PHF12: variants seen among roughly 807,000 people sequenced by gnomAD.
PHF12 encodes the protein PHD finger protein 12, also known as PHD factor 1.
A neutral mutation model predicts 99.8 loss-of-function variants in PHF12; 6 were observed. That is an observed-to-expected ratio of 0.06 (90% confidence interval 0.03 to 0.12). The LOEUF is 0.12. Among genes scored for constraint, PHF12 ranks in the 10% least tolerant of loss-of-function variants. The pLI is 1.00. For synonymous variants in PHF12, 480 were observed against 514.9 expected (o/e 0.93, Z 0.92); for missense variants, 954 against 1,300.1 (o/e 0.73, Z 4.09).
Position 28,913,098 on chromosome 17 carries a change from G to C in PHF12, c.1473C>G (p.His491Gln), listed in dbSNP as rs200985028. 403 of 1,614,218 alleles carry C rather than the reference G, an allele frequency of 2.5e-4. 2 individuals carry two copies. In the Admixed American group the frequency reaches 6.5e-3, roughly 26 times the overall value. Residue 491 changes from histidine to glutamine, a missense_variant, in exon 9 of 15, where the codon CAC (histidine) becomes CAG (glutamine). His to Gln is a conservative substitution (Grantham distance 24). This residue lies in a region of PHF12 where 392 missense variants were observed against 423.1 expected (regional missense o/e 0.93). Coordinates refer to ENST00000332830, the MANE Select transcript of PHF12 (RefSeq NM_001033561.2). The part of the protein sequence containing the change: ...QTADKTPTPS[H>Q]YPLSCPSGIS... ...TCCCTGAGGGGCAGGACAAGGGGTA[G>C]TGGGAAGGTGTAGGTGTCTTGTCAG...
chr17:28,923,651 C>CAAAAAAAAAAAAAAAGAAA (rs1491183033), intron 4 of PHF12, among the ~76,000 whole-genome samples: 1 of 21,958 alleles, frequency 4.6e-5, no homozygotes, highest in Non-Finnish European at 7.6e-5. Flanking sequence ...AAGTGAGACT[C>CAAAAAAAAAAAAAAAGAAA]ACAAAAAAAA....
chr17:28,931,238 A>G (rs983484342), intron 2 of PHF12, among the ~76,000 whole-genome samples: 15 of 150,422 alleles, frequency 1.0e-4, no homozygotes, highest in African/African-American at 3.4e-4. Context: ...AACATTTAAA[A>G]GACTGAGGCC....
At chr17:28,936,191 G>A (rs2040505971) in intron 2 of PHF12, among the ~76,000 whole-genome samples, 1 of 152,158 alleles carries the variant, frequency 6.6e-6, no homozygotes, top group South Asian at 2.1e-4. Context: ...ATTAATACAT[G>A]TGAACCTGCA....
intron 7 of PHF12, among the ~76,000 whole-genome samples, chr17:28,914,671 C>CAAAA (rs61203588): frequency 0.08 from 2,419 of 30,290 alleles, 433 homozygotes; most frequent in Middle Eastern, 0.14. Context: ...GACTCCGTCT[C>CAAAA]AAAAAAAAAA....
intron 6 of PHF12, among the ~76,000 whole-genome samples, chr17:28,917,994 A>G (rs1211916226): frequency 6.6e-6 from 1 of 152,230 alleles, no homozygotes. Flanking sequence ...CCATCTTGAT[A>G]TCAGTCTTCC....
At position 28,949,298 on chromosome 17, in the gene PHF12, C is replaced by T. The variant is rs2040767824; in HGVS notation, c.248+767G>A. On this transcript the variant is annotated intron_variant, in intron 2 of 14. Transcript: ENST00000332830. This position sits in a 1 kb window ranked among gnomAD's most constrained non-coding sequence, Gnocchi z 4.6. ...CCCGATTTCCTAAGAGGCAGCGGCG[C>T]CGGGAGGGAGGAGGGAAGAGGGAGG... Among the ~76,000 whole-genome samples, 1 of 151,970 alleles carries T rather than the reference C, an allele frequency of 6.6e-6. No individual in the cohort carries two copies. Among genetic ancestry groups the T allele is most frequent in the African/African-American group, 2.4e-5 (1 of 41,364 alleles).
Position 28,950,358 on chromosome 17 carries a change from TC to T in PHF12, c.67-113del. The T allele has an allele frequency of 8.3e-7, 1 of 1,206,760 alleles. No individual in the cohort carries two copies. Among genetic ancestry groups the T allele is most frequent in the Non-Finnish European group, 1.1e-6 (1 of 884,454 alleles). 74.8% of individuals were successfully genotyped at this position (1,206,760 alleles called of 1,614,324 possible). On this transcript the variant is annotated intron_variant, in intron 1 of 14. Coordinates refer to ENST00000332830, the MANE Select transcript of PHF12 (RefSeq NM_001033561.2). This position sits in a 1 kb window ranked among gnomAD's most constrained non-coding sequence, Gnocchi z 5.7. Reference sequence around the variant, plus strand: ...CCCCTCTCCCCCCTTTTGTCCTTCTTCCTCCCATCCAGGCTGCTCCCAGAAT... The same window carrying T: ...CCCCTCTCCCCCCTTTTGTCCTTCTTCTCCCATCCAGGCTGCTCCCAGAAT...
chr17:28,949,639 T>C lies in PHF12; in HGVS notation c.248+426A>G. ...TTGCCGGGGTCTGGACCAGGGCAACTCAGGTGGCCGAGGGCTCCACGCACC... is the reference window on the plus strand; with the variant it reads ...TTGCCGGGGTCTGGACCAGGGCAACCCAGGTGGCCGAGGGCTCCACGCACC... On this transcript the variant is annotated intron_variant, in intron 2 of 14. Coordinates refer to ENST00000332830, the MANE Select transcript of PHF12 (RefSeq NM_001033561.2). The surrounding 1 kb of genome is among the most constrained non-coding windows in gnomAD (Gnocchi z 4.6). The C allele has an allele frequency of 6.1e-6, 1 of 163,038 alleles. No individual in the cohort carries two copies. Among genetic ancestry groups the C allele is most frequent in the Non-Finnish European group, 1.3e-5 (1 of 75,358 alleles). The allele number at this position is 163,038 out of a possible 1,614,324, so 10.1% of individuals were successfully genotyped here.
At chr17:28,948,944 T>G (rs1038014421) in intron 2 of PHF12, among the ~76,000 whole-genome samples, 1 of 152,134 alleles carries the variant, frequency 6.6e-6, no homozygotes, top group Non-Finnish European at 1.5e-5. Context: ...GGGATTTTTG[T>G]GGAGGGCAGA....
At position 28,949,286 on chromosome 17, in the gene PHF12, G is replaced by C. The variant is rs139353045; in HGVS notation, c.248+779C>G. 6.6e-6 allele frequency among the ~76,000 whole-genome samples: 1 copy of C among 152,160 alleles called. No homozygotes were observed. The highest frequency in any genetic ancestry group is 1.5e-5 in the Non-Finnish European group (1 of 68,030). On this transcript the variant is annotated intron_variant, in intron 2 of 14. Coordinates refer to ENST00000332830, the MANE Select transcript of PHF12 (RefSeq NM_001033561.2). The surrounding 1 kb of genome is among the most constrained non-coding windows in gnomAD (Gnocchi z 4.6). ...TGTCTAACCCGGCCCGATTTCCTAA[G>C]AGGCAGCGGCGCCGGGAGGGAGGAG...
At chr17:28,915,382 G>C (rs762816767) in intron 7 of PHF12, among the ~76,000 whole-genome samples, 21 of 151,438 alleles carry the variant, frequency 1.4e-4, no homozygotes, top group Admixed American at 5.9e-4. Flanking sequence ...AGGAGATACA[G>C]GAGGAAGAGC....
intron 2 of PHF12, among the ~76,000 whole-genome samples, chr17:28,941,678 A>C (rs184221371): frequency 1.3e-5 from 2 of 151,952 alleles, no homozygotes; most frequent in South Asian, 2.1e-4. Flanking sequence ...TGGCGTGATC[A>C]CTGCAACCTC....
chr17:28,949,484 G>A lies in PHF12; in HGVS notation c.248+581C>T, dbSNP rs1355344869. On this transcript the variant is annotated intron_variant, in intron 2 of 14. Transcript: ENST00000332830. The surrounding 1 kb of genome is among the most constrained non-coding windows in gnomAD (Gnocchi z 4.6). ...CGAGAGACGTTTGCAAATCATATAT[G>A]CAGCCAAAATGGCGCTGAGAATAAA... Among the ~76,000 whole-genome samples, 1 of 152,240 alleles carries A rather than the reference G, an allele frequency of 6.6e-6. No homozygotes were observed. Among genetic ancestry groups the A allele is most frequent in the African/African-American group, 2.4e-5 (1 of 41,462 alleles).
chr17:28,912,814 G>A lies in PHF12; in HGVS notation c.1757C>T (p.Thr586Met), dbSNP rs2039987957. The change falls in exon 9 of 15, where the codon ACG becomes ATG. Residue 586 changes from threonine (T) to methionine (M), a missense_variant. Physicochemically the swap from Thr to Met is moderately conservative, Grantham distance 81 (BLOSUM62 -1). Transcript: ENST00000332830. ...CTGAAGGCCCCCAGCCGCTGGTGGC[G>A]TGAGGGGCCGGGGCCAGCCTTGCCG... Reference protein sequence around the residue: ...SHRQGWPRPLTPPAAGGLQNH... With the variant: ...SHRQGWPRPLMPPAAGGLQNH... The A allele has an allele frequency of 5.6e-6, 9 of 1,608,392 alleles. No individual in the cohort carries two copies. Among genetic ancestry groups the A allele is most frequent in the African/African-American group, 1.3e-5 (1 of 74,848 alleles).
rs2040796340 is a variant in PHF12, at chr17:28,950,784, C to T, written c.66+111G>A. The T allele has an allele frequency of 3.4e-6, 5 of 1,452,412 alleles. No homozygotes were observed. The highest frequency in any genetic ancestry group is 4.6e-6 in the Non-Finnish European group (5 of 1,077,766). The allele number at this position is 1,452,412 out of a possible 1,614,324, so 90.0% of individuals were successfully genotyped here. A position where few individuals can be genotyped will look rare whatever the true frequency, so the allele number is the denominator to read the frequency against. ...AGGGAGAGGCTAGGTGAGGAAGAAT[C>T]CCCCTCCCTCGGCCATCTAGGCGCT... On this transcript the variant is annotated intron_variant, in intron 1 of 14. Coordinates refer to ENST00000332830, the MANE Select transcript of PHF12 (RefSeq NM_001033561.2). The surrounding 1 kb of genome is among the most constrained non-coding windows in gnomAD (Gnocchi z 5.7).
chr17:28,909,310 A>G (rs1304956057), intron 11 of PHF12: 1 of 161,216 alleles, frequency 6.2e-6, no homozygotes, highest in Non-Finnish European at 1.4e-5. Context: ...GAGGGGCCTT[A>G]GCTCTGCATT....
Position 28,950,500 on chromosome 17 carries a change from C to T in PHF12, c.67-254G>A. On this transcript the variant is annotated intron_variant, in intron 1 of 14. Transcript: ENST00000332830. This position sits in a 1 kb window ranked among gnomAD's most constrained non-coding sequence, Gnocchi z 5.7. ...AGGGTAGGGGGATGGGAAGAGGGTG[C>T]GCGGTTCCCTTCTTGCCACTTCCTT... 1 of 559,776 alleles carries T rather than the reference C, an allele frequency of 1.8e-6. No individual in the cohort carries two copies. Among genetic ancestry groups the T allele is most frequent in the Non-Finnish European group, 3.2e-6 (1 of 315,836 alleles). The allele number at this position is 559,776 out of a possible 1,614,324, so 34.7% of individuals were successfully genotyped here. A position where few individuals can be genotyped will look rare whatever the true frequency, so the allele number is the denominator to read the frequency against.
Position 28,950,904 on chromosome 17 carries a change from C to T in PHF12, c.57G>A (p.Gly19=), listed in dbSNP as rs976487741. 4 of 1,613,416 alleles carry T rather than the reference C, an allele frequency of 2.5e-6. No homozygotes were observed. Among genetic ancestry groups the T allele is most frequent in the Non-Finnish European group, 2.5e-6 (3 of 1,179,720 alleles). The part of the protein sequence containing the change: ...TIVYDLDTSG[G]LMEQIQALLA... ...GGAGGGCCACTCTTACCTCCATCAG[C>T]CCCCCTGATGTGTCCAAGTCGTACA... is the stretch of plus-strand genomic sequence containing the variant. Residue 19 remains glycine (G), a synonymous_variant, in exon 1 of 15, where the codon GGG becomes GGA. Transcript: ENST00000332830. This position sits in a 1 kb window ranked among gnomAD's most constrained non-coding sequence, Gnocchi z 5.7.
At chr17:28,915,823 A>G (rs2040051651) in intron 7 of PHF12, among the ~76,000 whole-genome samples, 1 of 152,218 alleles carries the variant, frequency 6.6e-6, no homozygotes, top group South Asian at 2.1e-4. Context: ...CAAACTGTCC[A>G]AGTACAAAAT....
Sources: gnomAD v4.1 joint callset for allele counts (sites outside exome capture counted in the v4.1 genomes callset) on GRCh38, gnomAD v4.1.1 for gene constraint, gnomAD v4.1.1 regional missense constraint, Gnocchi (gnomAD v3.1) non-coding constraint, MANE v1.5 for transcripts, NCBI Gene and HGNC (gene_info 2026-07-23, HGNC 2026-07-21) for gene names.